ASTN2: variants seen among roughly 807,000 people sequenced by gnomAD.
The protein encoded by ASTN2 is astrotactin 2, also known as astrotactin-2.
In ASTN2, 54 loss-of-function variants were observed where a neutral mutation model predicts 139.8. That is an observed-to-expected ratio of 0.39 (90% CI 0.31 to 0.48). ASTN2 has a LOEUF of 0.48. Among genes scored for constraint, ASTN2 ranks in the 20% least tolerant of loss-of-function variants. The pLI is 0.95. For synonymous variants in ASTN2, 756 were observed against 719.5 expected (o/e 1.05, Z -0.81); for missense variants, 1,565 against 1,725.1 (o/e 0.91, Z 1.64).
intron 13 of ASTN2, 22 bp from the exon 14 acceptor site, chr9:116,733,545 C>G (rs1463138071): frequency 6.2e-7 from 1 of 1,613,740 alleles, no homozygotes; most frequent in African/African-American, 1.3e-5. Flanking sequence ...AGCAGAGAGA[C>G]TGCCAAATCG....
At chr9:116,622,369 G>C (rs1856203610) in intron 17 of ASTN2, among the ~76,000 whole-genome samples, 1 of 152,090 alleles carries the variant, frequency 6.6e-6, no homozygotes, top group South Asian at 2.1e-4. Flanking sequence ...AATTTCACCT[G>C]AGTTAAGTGT....
intron 5 of ASTN2, among the ~76,000 whole-genome samples, chr9:117,051,172 T>A (rs928435318): frequency 1.3e-5 from 2 of 152,084 alleles, no homozygotes; most frequent in African/African-American, 4.8e-5. Flanking sequence ...ACTGACTCCC[T>A]CTATAATCAT....
chr9:117,342,992 T>C (rs1829106778), intron 1 of ASTN2, among the ~76,000 whole-genome samples: 2 of 152,168 alleles, frequency 1.3e-5, no homozygotes, highest in South Asian at 4.1e-4. Flanking sequence ...TTTTCCTGAT[T>C]GGCTTCCAAA....
In ASTN2 at chr9:116,496,539, A is replaced by G. The variant is rs551485002; in HGVS notation, c.3356-9039T>C. 2.0e-5 allele frequency among the ~76,000 whole-genome samples: 3 copies of G among 152,276 alleles called. No homozygotes were observed. The South Asian group carries it at 6.2e-4, about 32-fold the overall frequency. On this transcript the variant is annotated intron_variant, in intron 19 of 22. Transcript: ENST00000313400. ...TGTACATGATGGGACCTAATTCTGC[A>G]AGACCCTTTTAAGGAGGGAACAAGA... is the stretch of plus-strand genomic sequence containing the variant.
chr9:116,617,322 G>T (rs930078967), intron 19 of ASTN2, among the ~76,000 whole-genome samples: 40 of 152,210 alleles, frequency 2.6e-4, no homozygotes, highest in Middle Eastern at 3.4e-3. Context: ...GAACAATAAA[G>T]GTCCTTTCAT....
chr9:116,675,249 C>G (rs1405981269), intron 16 of ASTN2, among the ~76,000 whole-genome samples: 1 of 152,172 alleles, frequency 6.6e-6, no homozygotes. Context: ...GGGGAGATAT[C>G]CCTTAACTGT....
At chr9:116,523,827 A>C (rs1345652460) in intron 19 of ASTN2, among the ~76,000 whole-genome samples, 1 of 152,154 alleles carries the variant, frequency 6.6e-6, no homozygotes. Flanking sequence ...CTTACTTCAC[A>C]AATTATTACT....
chr9:116,864,712 G>A (rs1832974272), intron 10 of ASTN2, among the ~76,000 whole-genome samples: 1 of 152,136 alleles, frequency 6.6e-6, no homozygotes, highest in Admixed American at 6.5e-5. Context: ...GTGAAGCAAG[G>A]GAAATGCCTG....
At chr9:116,590,065 C>T (rs1011554388) in intron 19 of ASTN2, among the ~76,000 whole-genome samples, 10 of 152,172 alleles carry the variant, frequency 6.6e-5, no homozygotes, top group African/African-American at 1.7e-4. Flanking sequence ...GCAAAGACAC[C>T]GGCTGCAGCA....
intron 10 of ASTN2, among the ~76,000 whole-genome samples, chr9:116,926,572 T>C (rs907450176): frequency 6.6e-6 from 1 of 152,240 alleles, no homozygotes; most frequent in Admixed American, 6.5e-5. Flanking sequence ...GTTTGACCAA[T>C]GCTCATAATA....
chr9:117,185,037 T>C (rs1294387532), intron 3 of ASTN2, among the ~76,000 whole-genome samples: 1 of 152,168 alleles, frequency 6.6e-6, no homozygotes, highest in African/African-American at 2.4e-5. Flanking sequence ...ATTGAGGCAC[T>C]GTATGGGCAC....
intron 7 of ASTN2, among the ~76,000 whole-genome samples, 199 bp downstream of exon 7, chr9:117,007,893 G>A (rs190158578): frequency 6.6e-6 from 1 of 152,262 alleles, no homozygotes; most frequent in East Asian, 1.9e-4. Flanking sequence ...TACTCTGAGA[G>A]TCTGTGGCTC....
chr9:116,763,498 C>T (rs1006730611), intron 13 of ASTN2, among the ~76,000 whole-genome samples: 4 of 152,146 alleles, frequency 2.6e-5, no homozygotes, highest in African/African-American at 7.2e-5. Flanking sequence ...CCAAACCCAT[C>T]ACTCAGACTT....
At chr9:117,363,019 G>C (rs1362993474) in intron 1 of ASTN2, among the ~76,000 whole-genome samples, 2 of 152,134 alleles carry the variant, frequency 1.3e-5, no homozygotes, top group Non-Finnish European at 2.9e-5. Flanking sequence ...CAAATTTGGG[G>C]TGGGGATCTC....
chr9:116,544,942 G>T (rs550374934), intron 19 of ASTN2, among the ~76,000 whole-genome samples: 3 of 152,334 alleles, frequency 2.0e-5, no homozygotes, highest in African/African-American at 7.2e-5. Flanking sequence ...TGAGCCAGAA[G>T]ACCCTTGGTG....
chr9:116,803,522 ATTT>A (rs1158429877), intron 13 of ASTN2, among the ~76,000 whole-genome samples: 132 of 20,738 alleles, frequency 6.4e-3, no homozygotes, highest in South Asian at 9.1e-3. Context: ...ATATATATAT[ATTT>A]TTTTTTTTTT....
chr9:116,642,801 T>C (rs536930519), intron 17 of ASTN2, among the ~76,000 whole-genome samples: 5 of 152,330 alleles, frequency 3.3e-5, no homozygotes, highest in African/African-American at 9.6e-5. Flanking sequence ...AATCTAGTTA[T>C]ATTTTTCCTT....
chr9:116,780,649 C>A (rs1394324843), intron 13 of ASTN2, among the ~76,000 whole-genome samples: 1 of 152,134 alleles, frequency 6.6e-6, no homozygotes, highest in Non-Finnish European at 1.5e-5. Context: ...CCTCATGACC[C>A]TGGGCAAGCG....
intron 19 of ASTN2, among the ~76,000 whole-genome samples, chr9:116,542,642 G>T (rs1242974194): frequency 6.6e-6 from 1 of 152,078 alleles, no homozygotes; most frequent in East Asian, 1.9e-4. Flanking sequence ...ATTATTTTTG[G>T]CTGGGTGTGG....
Sources: allele counts gnomAD v4.1 joint callset (sites outside exome capture counted in the v4.1 genomes callset), GRCh38; gene constraint gnomAD v4.1.1; transcripts MANE v1.5; gene names NCBI Gene and HGNC (gene_info 2026-07-23, HGNC 2026-07-21).